Variants in KMT2C observed in about 807,000 individuals in gnomAD.
KMT2C encodes the protein histone-lysine N-methyltransferase 2C.
A neutral mutation model predicts 507.9 loss-of-function variants in KMT2C; 88 were observed. That is an observed-to-expected ratio of 0.17 (90% CI 0.15 to 0.21). KMT2C has a LOEUF of 0.21. KMT2C is among the 10% of genes least tolerant of loss of function. The probability of loss-of-function intolerance (pLI) is 1.00; values close to 1 mark genes in which losing one functional copy is unlikely to be tolerated. For missense variants in KMT2C, 4,954 were observed against 5,957.8 expected (o/e 0.83, Z 5.55); for synonymous variants, 2,049 against 2,080.8 (o/e 0.98, Z 0.42).
intron 2 of KMT2C, among the ~76,000 whole-genome samples, chr7:152,348,614 AAAAAAAAAAAG>A (rs2097083207): frequency 1.3e-5 from 2 of 150,120 alleles, no homozygotes; most frequent in African/African-American, 4.9e-5. Flanking sequence ...AAAAAAAAAA[AAAAAAAAAAAG>A]AAAGAAAGAA....
At chr7:152,263,909 G>A (rs1328840674) in intron 8 of KMT2C, among the ~76,000 whole-genome samples, 1 of 152,136 alleles carries the variant, frequency 6.6e-6, no homozygotes, top group East Asian at 1.9e-4. Flanking sequence ...AAACAACAGG[G>A]AAAGCAAGAA....
At chr7:152,429,509 T>C (rs1435474212) in intron 1 of KMT2C, among the ~76,000 whole-genome samples, 4 of 152,012 alleles carry the variant, frequency 2.6e-5, no homozygotes, top group Admixed American at 6.6e-5. Flanking sequence ...AAATCCAAGA[T>C]TGGTCTATTA....
intron 31 of KMT2C, among the ~76,000 whole-genome samples, chr7:152,191,936 C>T (rs1217203468): frequency 1.3e-5 from 2 of 151,596 alleles, no homozygotes; most frequent in Non-Finnish European, 2.9e-5. Context: ...TACTATAATA[C>T]ACATTAGTTG....
chr7:152,301,422 T>A (rs1242733499), intron 6 of KMT2C, among the ~76,000 whole-genome samples: 1 of 151,612 alleles, frequency 6.6e-6, no homozygotes, highest in Non-Finnish European at 1.5e-5. Flanking sequence ...GGCAGGAGAA[T>A]CACTTGAACC....
At chr7:152,319,011 C>G (rs1227118808) in intron 3 of KMT2C, among the ~76,000 whole-genome samples, 1 of 152,048 alleles carries the variant, frequency 6.6e-6, no homozygotes, top group African/African-American at 2.4e-5. Context: ...TTTTTAAGCA[C>G]CAACATGATA....
intron 12 of KMT2C, 145 bp downstream of exon 12, chr7:152,250,707 AT>A: frequency 1.8e-6 from 1 of 547,416 alleles, no homozygotes; most frequent in Non-Finnish European, 3.2e-6. Flanking sequence ...CCTTTCTCCT[AT>A]TAATTTGTCT....
chr7:152,314,601 G>A (rs1589131453), intron 4 of KMT2C, among the ~76,000 whole-genome samples: 1 of 152,000 alleles, frequency 6.6e-6, no homozygotes, highest in African/African-American at 2.4e-5. Context: ...AGGGAAGAAT[G>A]TATAGGACAG....
At chr7:152,201,503 A>G (rs1165402764) in intron 26 of KMT2C, among the ~76,000 whole-genome samples, 1 of 151,898 alleles carries the variant, frequency 6.6e-6, no homozygotes, top group Admixed American at 6.6e-5. Context: ...AATTTATATT[A>G]CACTTTACAG....
At chr7:152,391,249 TTTTG>T (rs1485249017) in intron 1 of KMT2C, among the ~76,000 whole-genome samples, 1 of 151,522 alleles carries the variant, frequency 6.6e-6, no homozygotes, top group African/African-American at 2.4e-5. Flanking sequence ...TTGTTTGTTT[TTTTG>T]TTTTTGAGAC....
chr7:152,350,447 C>T (rs1049667097), intron 2 of KMT2C, among the ~76,000 whole-genome samples: 1 of 152,092 alleles, frequency 6.6e-6, no homozygotes, highest in Non-Finnish European at 1.5e-5. Context: ...GATGGTATAG[C>T]CTACTAAAAA....
At position 152,183,182 on chromosome 7, in the gene KMT2C, T is replaced by G. The variant is rs144111075; in HGVS notation, c.5083-26A>C. 2.4e-5 allele frequency: 36 copies of G among 1,489,890 alleles called. No individual in the cohort carries two copies. The East Asian group carries it at 8.7e-4, about 36-fold the overall frequency. The allele number at this position is 1,489,890 out of a possible 1,614,324, so 92.3% of individuals were successfully genotyped here. A position where few individuals can be genotyped will look rare whatever the true frequency, so the allele number is the denominator to read the frequency against. ...CTTTGACAAAAGAAGAGAAAAAAAT[T>G]TCCCAGATTATGTTAAATGTTTTAA... On this transcript the variant is annotated intron_variant, in intron 34 of 58. Coordinates refer to ENST00000262189, the MANE Select transcript of KMT2C (RefSeq NM_170606.3).
intron 1 of KMT2C, among the ~76,000 whole-genome samples, chr7:152,368,840 T>C (rs1399714820): frequency 6.6e-6 from 1 of 152,184 alleles, no homozygotes; most frequent in African/African-American, 2.4e-5. Flanking sequence ...TTGAATTGTC[T>C]AGGGTGTTGT....
chr7:152,432,732 A>G (rs1440065439), intron 1 of KMT2C, among the ~76,000 whole-genome samples: 1 of 152,366 alleles, frequency 6.6e-6, no homozygotes, highest in Non-Finnish European at 1.5e-5. Flanking sequence ...AGCTAACACT[A>G]TAAGACAAGA....
At chr7:152,269,000 T>C (rs1276531682) in intron 7 of KMT2C, among the ~76,000 whole-genome samples, 1 of 152,230 alleles carries the variant, frequency 6.6e-6, no homozygotes, top group Non-Finnish European at 1.5e-5. Context: ...TTTGGATTAC[T>C]GAATTAAATA....
intron 1 of KMT2C, among the ~76,000 whole-genome samples, chr7:152,391,167 AGC>A (rs1378839353): frequency 1.4e-5 from 2 of 144,672 alleles, no homozygotes; most frequent in African/African-American, 5.1e-5. Context: ...AAAAAAAAAA[AGC>A]CTTAAAATCT....
At chr7:152,408,952 C>T (rs1335818799) in intron 1 of KMT2C, among the ~76,000 whole-genome samples, 3 of 151,896 alleles carry the variant, frequency 2.0e-5, no homozygotes, top group Non-Finnish European at 2.9e-5. Flanking sequence ...AACTGTTTCA[C>T]TTAACATGCA....
At chr7:152,213,295 A>C (rs1471525879) in intron 23 of KMT2C, among the ~76,000 whole-genome samples, 2 of 152,232 alleles carry the variant, frequency 1.3e-5, no homozygotes, top group Admixed American at 6.5e-5. Context: ...AGAAGGTATC[A>C]CACTACCTGA....
At position 152,176,762 on chromosome 7, in the gene KMT2C, G is replaced by A. The variant is rs2093229057; in HGVS notation, c.8691C>T (p.Ser2897=). The change falls in exon 38 of 59, where the codon TCC becomes TCT. Residue 2897 remains serine, a synonymous_variant. Coordinates refer to ENST00000262189, the MANE Select transcript of KMT2C (RefSeq NM_170606.3). ...TTACATCTTGAGCAGGTAGTTGAGTGGATGCCTGAATGACATTTGCACTGG... is the reference window on the plus strand; with the variant it reads ...TTACATCTTGAGCAGGTAGTTGAGTAGATGCCTGAATGACATTTGCACTGG... ...AGPSANVIQA[S]TQLPAQDVIN... The A allele has an allele frequency of 1.2e-6, 2 of 1,614,120 alleles. No individual in the cohort carries two copies. The highest frequency in any genetic ancestry group is 8.5e-7 in the Non-Finnish European group (1 of 1,180,004).
intron 1 of KMT2C, among the ~76,000 whole-genome samples, chr7:152,380,517 G>C (rs1346096405): frequency 6.6e-6 from 1 of 150,694 alleles, no homozygotes; most frequent in South Asian, 2.1e-4. Context: ...GCAGTGAGCC[G>C]AGATCGCACC....
Sources: allele counts gnomAD v4.1 joint callset (sites outside exome capture counted in the v4.1 genomes callset), GRCh38; gene constraint gnomAD v4.1.1; transcripts MANE v1.5; gene names NCBI Gene and HGNC (gene_info 2026-07-23, HGNC 2026-07-21).